ZNF568: variants seen among roughly 807,000 people sequenced by gnomAD.
ZNF568 encodes the protein p53 inhibitor of SCO2 activation.
A neutral mutation model predicts 18.1 loss-of-function variants in ZNF568; 11 were observed. The observed-to-expected ratio is 0.61, with a 90% confidence interval of 0.38 to 1.00. The LOEUF is 1.00. ZNF568 is among the 50% of genes least tolerant of loss of function. The pLI is 0.01. For missense variants in ZNF568, 639 were observed against 768.2 expected (o/e 0.83, Z 1.99); for synonymous variants, 213 against 246.6 (o/e 0.86, Z 1.28).
chr19:36,963,715 T>C (rs1026933705), intron 6 of ZNF568, among the ~76,000 whole-genome samples: 4 of 152,092 alleles, frequency 2.6e-5, no homozygotes. Flanking sequence ...ACAGCTGTAA[T>C]CCCAGCACTT....
At chr19:36,961,321 C>G (rs1481584895) in intron 6 of ZNF568, among the ~76,000 whole-genome samples, 1 of 138,884 alleles carries the variant, frequency 7.2e-6, no homozygotes, top group Non-Finnish European at 1.6e-5. Flanking sequence ...ACTCTTTAAT[C>G]TATTAGAAAT....
In ZNF568 at chr19:36,949,383, C is replaced by T. The variant is rs188031554; in HGVS notation, c.359-129C>T. On this transcript the variant is annotated intron_variant, in intron 6 of 6. Transcript: ENST00000333987. ...AGGAACTAGGAACATTTACTCTTAG[C>T]TTTCTTTTGTATTGGTTGACTAGGC... The T allele has an allele frequency of 2.4e-4, 237 of 988,824 alleles. No individual in the cohort carries two copies. In the African/African-American group the frequency reaches 3.7e-3, roughly 15 times the overall value. 61.3% of individuals were successfully genotyped at this position (988,824 alleles called of 1,614,324 possible).
rs2074021013 is a variant in ZNF568, at chr19:36,949,510, A to G, written c.359-2A>G. 6.4e-7 allele frequency: 1 copy of G among 1,553,454 alleles called. No homozygotes were observed. Among genetic ancestry groups the G allele is most frequent in the Non-Finnish European group, 8.7e-7 (1 of 1,155,742 alleles). ...GTAATAATTTCTGGTCCTCCATTTT[A>G]GAAGTTTGGGAAGTTGATGAACAGA... On this transcript the variant is annotated splice_acceptor_variant, in intron 6 of 6. Transcript: ENST00000333987. LOFTEE classifies it high-confidence loss of function.
downstream of ZNF568, among the ~76,000 whole-genome samples, chr19:36,956,829 C>T (rs763801905): frequency 2.0e-5 from 3 of 152,028 alleles, no homozygotes; most frequent in Non-Finnish European, 4.4e-5. Flanking sequence ...AACTCCTGGC[C>T]TCAAGTGATC....
At chr19:36,977,610 T>C (rs2074296509) in intron 7 of ZNF568, among the ~76,000 whole-genome samples, 1 of 152,218 alleles carries the variant, frequency 6.6e-6, no homozygotes, top group Non-Finnish European at 1.5e-5. Flanking sequence ...CCCATTACTG[T>C]AGAGGCCAAA....
At position 36,925,381 on chromosome 19, in the gene ZNF568, G is replaced by C. The variant is rs2073534793; in HGVS notation, c.135+123G>C. ...GAAAATAAAAGTGAGAAAAAATACAGATAGAAAATCAGAACCTGGGGAAAT... is the reference window on the plus strand; with the variant it reads ...GAAAATAAAAGTGAGAAAAAATACACATAGAAAATCAGAACCTGGGGAAAT... On this transcript the variant is annotated intron_variant, in intron 4 of 6. Transcript: ENST00000333987. 3 of 888,722 alleles carry C rather than the reference G, an allele frequency of 3.4e-6. No homozygotes were observed. The South Asian group carries it at 5.0e-5, about 15-fold the overall frequency. The allele number at this position is 888,722 out of a possible 1,614,324, so 55.1% of individuals were successfully genotyped here. A position where few individuals can be genotyped will look rare whatever the true frequency, so the allele number is the denominator to read the frequency against.
chr19:36,934,547 C>T (rs1051438294), intron 4 of ZNF568, among the ~76,000 whole-genome samples: 1 of 152,116 alleles, frequency 6.6e-6, no homozygotes, highest in Non-Finnish European at 1.5e-5. Context: ...GTCTTGAACT[C>T]CTGGGCTCAA....
chr19:36,937,334 T>A, intron 6 of ZNF568, 92 bp downstream of exon 6: 2 of 1,008,870 alleles, frequency 2.0e-6, no homozygotes, highest in Non-Finnish European at 2.9e-6. Context: ...CAAGATTTTC[T>A]TAAAGGCCTT....
intron 6 of ZNF568, among the ~76,000 whole-genome samples, chr19:36,960,211 G>A (rs575263916): frequency 4.9e-5 from 7 of 144,094 alleles, no homozygotes; most frequent in Admixed American, 2.2e-4. Flanking sequence ...TCTGCCTCCC[G>A]GGTTCAAGTG....
rs1055922093 is a variant in ZNF568, at chr19:36,929,063, T to C, written c.135+3805T>C. Among the ~76,000 whole-genome samples the C allele has an allele frequency of 7.9e-5, 12 of 152,256 alleles. No homozygotes were observed. In the East Asian group the frequency reaches 2.1e-3, roughly 27 times the overall value. Reference sequence around the variant, plus strand: ...CCAGGAAAAGTATAAAAGAATGTCATGTGCCATGCTCTAAGTTTTTAAAAG... The same window carrying C: ...CCAGGAAAAGTATAAAAGAATGTCACGTGCCATGCTCTAAGTTTTTAAAAG... On this transcript the variant is annotated intron_variant, in intron 4 of 6. Transcript: ENST00000333987.
At chr19:36,975,281 G>A (rs1237036434) in intron 7 of ZNF568, among the ~76,000 whole-genome samples, 3 of 151,576 alleles carry the variant, frequency 2.0e-5, no homozygotes, top group Non-Finnish European at 4.4e-5. Context: ...CTGAGTAGCC[G>A]GGATTACAGG....
intron 6 of ZNF568, among the ~76,000 whole-genome samples, chr19:36,939,592 T>A (rs537967628): frequency 2.8e-4 from 38 of 136,856 alleles, no homozygotes; most frequent in Admixed American, 1.2e-3. Flanking sequence ...CAGGCTGGAG[T>A]GCAGTGGTGC....
intron 4 of ZNF568, chr19:36,991,901 T>A (rs78428491): frequency 0.01 from 14,571 of 1,425,526 alleles, 156 homozygotes; most frequent in Middle Eastern, 0.042. Context: ...ACTTAGCTCA[T>A]CTGTGAGAAG....
intron 4 of ZNF568, among the ~76,000 whole-genome samples, chr19:36,929,111 C>T (rs980535531): frequency 7.1e-6 from 1 of 140,806 alleles, no homozygotes; most frequent in African/African-American, 2.7e-5. Context: ...TTAATGCTTA[C>T]ATAACTTTAG....
At chr19:36,965,505 T>C (rs2074187344) in intron 6 of ZNF568, among the ~76,000 whole-genome samples, 1 of 152,260 alleles carries the variant, frequency 6.6e-6, no homozygotes, top group Non-Finnish European at 1.5e-5. Context: ...AGCCACCTTA[T>C]AGAAGGCCGA....
downstream of ZNF568, among the ~76,000 whole-genome samples, chr19:36,953,512 C>T (rs1187788087): frequency 6.6e-6 from 1 of 152,170 alleles, no homozygotes; most frequent in African/African-American, 2.4e-5. Flanking sequence ...GAGTCTCATT[C>T]TCTGTAATAA....
At chr19:36,945,208 GAAGTGTGT>G (rs1225892317) in intron 6 of ZNF568, among the ~76,000 whole-genome samples, 1 of 124,448 alleles carries the variant, frequency 8.0e-6, no homozygotes, top group Non-Finnish European at 1.7e-5. Context: ...GACAGAGAGA[GAAGTGTGT>G]GTGTGTGTGT....
chr19:36,949,512 A>T lies in ZNF568; in HGVS notation c.359A>T (p.Glu120Val), dbSNP rs2074021063. ...AATAATTTCTGGTCCTCCATTTTAG[A>T]AGTTTGGGAAGTTGATGAACAGATC... ...EEEMFGRHCP[E>V]VWEVDEQIKK... Residue 120 changes from glutamate (E) to valine (V), a missense_variant and splice_region_variant, in exon 7 of 7, where the codon GAA becomes GTA. Physicochemically the swap from Glu to Val is moderately radical, Grantham distance 121 (BLOSUM62 -2). Coordinates refer to ENST00000333987, the MANE Select transcript of ZNF568 (RefSeq NM_198539.4). 1.3e-6 allele frequency: 2 copies of T among 1,554,342 alleles called. No homozygotes were observed. Among genetic ancestry groups the T allele is most frequent in the East Asian group, 4.5e-5 (2 of 44,482 alleles).
chr19:36,977,381 A>G (rs1318031413), intron 7 of ZNF568, among the ~76,000 whole-genome samples: 1 of 149,764 alleles, frequency 6.7e-6, no homozygotes, highest in Non-Finnish European at 1.5e-5. Flanking sequence ...GTGGCATGGT[A>G]TTTGTAGGAT....
Sources: allele counts gnomAD v4.1 joint callset (sites outside exome capture counted in the v4.1 genomes callset), GRCh38; gene constraint gnomAD v4.1.1; transcripts MANE v1.5; gene names NCBI Gene and HGNC (gene_info 2026-07-23, HGNC 2026-07-21).